VPS13B: variants seen among roughly 807,000 people sequenced by gnomAD.
The protein encoded by VPS13B is vacuolar protein sorting 13 homolog B.
In VPS13B, 285 loss-of-function variants were observed where a neutral mutation model predicts 426.4. The observed-to-expected ratio is 0.67, with a 90% CI of 0.61 to 0.74. VPS13B has a LOEUF of 0.74. Among genes scored for constraint, VPS13B ranks in the 30% least tolerant of loss-of-function variants. The probability of loss-of-function intolerance (pLI) is 0.00; values close to 1 mark genes in which losing one functional copy is unlikely to be tolerated. For missense variants in VPS13B, 4,537 were observed against 4,782.6 expected, an observed-to-expected ratio of 0.95 and a Z score of 1.51; for synonymous variants, 1,676 against 1,676.4, an observed-to-expected ratio of 1.00 and a Z score of 0.01.
At chr8:99,472,834 A>G (rs1819484851) in intron 24 of VPS13B, among the ~76,000 whole-genome samples, 1 of 152,040 alleles carries the variant, frequency 6.6e-6, no homozygotes, top group South Asian at 2.1e-4. Flanking sequence ...TAATATCATG[A>G]ATAAAGGGGA....
chr8:99,668,960 TA>T (rs1198848570), intron 35 of VPS13B, among the ~76,000 whole-genome samples: 1 of 152,120 alleles, frequency 6.6e-6, no homozygotes, highest in Non-Finnish European at 1.5e-5. Flanking sequence ...TGTGAAGCCA[TA>T]ATAAATCCAT....
chr8:99,251,465 T>C (rs187044637), intron 17 of VPS13B, among the ~76,000 whole-genome samples: 41 of 152,274 alleles, frequency 2.7e-4, no homozygotes, highest in African/African-American at 8.7e-4. Flanking sequence ...GTGGATTGCA[T>C]TGATGTTTTT....
Position 99,861,791 on chromosome 8 carries a change from T to C in VPS13B, c.11060T>C (p.Ile3687Thr). The C allele has an allele frequency of 6.3e-7, 1 of 1,595,432 alleles. No individual in the cohort carries two copies. The highest frequency in any genetic ancestry group is 8.5e-7 in the Non-Finnish European group (1 of 1,171,060). Reference sequence around the variant, plus strand: ...GTTCCCTCAGGTACCCTCACATCCATCACCAACCTCGCCACAAGCCTGGCC... The same window carrying C: ...GTTCCCTCAGGTACCCTCACATCCACCACCAACCTCGCCACAAGCCTGGCC... ...KHISKGTLTS[I>T]TNLATSLARN... Residue 3687 changes from isoleucine to threonine, a missense_variant, in exon 58 of 62, where the codon ATC becomes ACC. Physicochemically the swap from Ile to Thr is moderately conservative, Grantham distance 89. Coordinates refer to ENST00000357162, the MANE Select transcript of VPS13B (RefSeq NM_152564.5).
intron 23 of VPS13B, among the ~76,000 whole-genome samples, chr8:99,466,646 T>C (rs1185670827): frequency 6.6e-6 from 1 of 152,110 alleles, no homozygotes; most frequent in Non-Finnish European, 1.5e-5. Context: ...AATCCTGAAA[T>C]TTATGAATGC....
At chr8:99,844,690 C>T (rs974140774) in intron 54 of VPS13B, among the ~76,000 whole-genome samples, 1 of 152,088 alleles carries the variant, frequency 6.6e-6, no homozygotes, top group African/African-American at 2.4e-5. Flanking sequence ...TTTATAAGGA[C>T]ACTAATTGCA....
chr8:99,648,522 G>A (rs1829683947), intron 34 of VPS13B, among the ~76,000 whole-genome samples: 1 of 151,998 alleles, frequency 6.6e-6, no homozygotes, highest in Admixed American at 6.6e-5. Flanking sequence ...TTGCCTTTTG[G>A]CTATATTTCT....
chr8:99,411,247 C>T (rs558804442), intron 21 of VPS13B, among the ~76,000 whole-genome samples: 13 of 152,194 alleles, frequency 8.5e-5, no homozygotes, highest in South Asian at 6.2e-4. Context: ...TTTTAATAAT[C>T]GCCATTCTAA....
At chr8:99,391,731 T>C (rs755403580) in intron 21 of VPS13B, 27 bp downstream of exon 21, 1 of 1,610,946 alleles carries the variant, frequency 6.2e-7, no homozygotes, top group Non-Finnish European at 8.5e-7. Flanking sequence ...GTAAAGGGAC[T>C]ATGATTGTAC....
intron 25 of VPS13B, among the ~76,000 whole-genome samples, chr8:99,497,305 T>TAAAATAATATGTATATATTTGTATACAC (rs1820975227): frequency 6.9e-6 from 1 of 144,912 alleles, no homozygotes; most frequent in Non-Finnish European, 1.5e-5. Context: ...CATATATACA[T>TAAAATAATATGTATATATTTGTATACAC]AAAATAATAT....
chr8:99,205,865 A>C (rs374595670), intron 17 of VPS13B, among the ~76,000 whole-genome samples: 1 of 152,312 alleles, frequency 6.6e-6, no homozygotes, highest in African/African-American at 2.4e-5. Context: ...TGCAATACCA[A>C]ACTATCTCTG....
At chr8:99,461,539 AT>A (rs147462420) in intron 23 of VPS13B, among the ~76,000 whole-genome samples, 11 of 151,536 alleles carry the variant, frequency 7.3e-5, no homozygotes, top group African/African-American at 1.5e-4. Flanking sequence ...AGCTAGATAA[AT>A]TTTTTTTTAC....
At chr8:99,354,518 T>A (rs1451740272) in intron 19 of VPS13B, among the ~76,000 whole-genome samples, 1 of 151,798 alleles carries the variant, frequency 6.6e-6, no homozygotes, top group East Asian at 1.9e-4. Flanking sequence ...TTAGAAAGCA[T>A]GTCAAAATTG....
chr8:99,684,326 A>G (rs1432515023), intron 35 of VPS13B, among the ~76,000 whole-genome samples: 1 of 152,234 alleles, frequency 6.6e-6, no homozygotes, highest in East Asian at 1.9e-4. Context: ...TGAATTAAGA[A>G]GTATTCTCTC....
intron 2 of VPS13B, among the ~76,000 whole-genome samples, chr8:99,014,365 G>A (rs911192273): frequency 5.9e-5 from 9 of 151,874 alleles, no homozygotes; most frequent in Non-Finnish European, 1.2e-4. Context: ...TGATCCGCCC[G>A]CCTCAGTCTT....
chr8:99,763,149 A>G (rs1372113899), intron 39 of VPS13B, among the ~76,000 whole-genome samples: 4,360 of 149,262 alleles, frequency 0.029, 117 homozygotes, highest in East Asian at 0.043. Context: ...AAAAAAAAAA[A>G]AAAAAAAAAA....
chr8:99,450,321 C>G (rs1004361437), intron 23 of VPS13B, among the ~76,000 whole-genome samples: 6 of 152,090 alleles, frequency 3.9e-5, no homozygotes, highest in Non-Finnish European at 2.9e-5. Context: ...GATTCATTGT[C>G]TATATTCTAT....
At chr8:99,030,099 G>GTTTTA (rs1316978513) in intron 2 of VPS13B, among the ~76,000 whole-genome samples, 5 of 112,050 alleles carry the variant, frequency 4.5e-5, no homozygotes, top group Non-Finnish European at 7.5e-5. Context: ...TATATGCTTT[G>GTTTTA]TCTGTTCTCT....
At chr8:99,599,934 G>C (rs948450373) in intron 33 of VPS13B, among the ~76,000 whole-genome samples, 6 of 152,130 alleles carry the variant, frequency 3.9e-5, no homozygotes, top group African/African-American at 1.4e-4. Context: ...TGGGGAGATG[G>C]AAGGCTTTGA....
chr8:99,308,158 TTTTG>T (rs1820738142), intron 19 of VPS13B, among the ~76,000 whole-genome samples: 1 of 151,954 alleles, frequency 6.6e-6, no homozygotes, highest in East Asian at 1.9e-4. Context: ...TAGACTTTTT[TTTTG>T]TTTTATTTTT....
Sources: allele counts gnomAD v4.1 joint callset (sites outside exome capture counted in the v4.1 genomes callset), GRCh38; gene constraint gnomAD v4.1.1; transcripts MANE v1.5; gene names NCBI Gene and HGNC (gene_info 2026-07-23, HGNC 2026-07-21).